Variants in C1GALT1 observed in about 807,000 individuals in gnomAD.
C1GALT1 encodes glycoprotein-N-acetylgalactosamine 3-beta-galactosyltransferase 1.
C1GALT1 carries 11 observed loss-of-function variants against 31.0 expected under a neutral mutation model. The ratio of observed to expected loss-of-function variants is 0.36; its 90% confidence interval spans 0.22 to 0.59. The LOEUF is 0.59. C1GALT1 is among the 20% of genes least tolerant of loss of function. The pLI, the probability that C1GALT1 is intolerant of heterozygous loss-of-function variation, is 0.79. For missense variants in C1GALT1, 424 were observed against 425.2 expected (o/e 1.00, Z 0.03); for synonymous variants, 175 against 143.6 (o/e 1.22, Z -1.56).
At chr7:7,224,983 A>G (rs1298429816) in intron 1 of C1GALT1, among the ~76,000 whole-genome samples, 1 of 152,046 alleles carries the variant, frequency 6.6e-6, no homozygotes, top group Non-Finnish European at 1.5e-5. Context: ...AGTCTTAGGT[A>G]GTTTCTGGTG....
In C1GALT1 at chr7:7,173,688, G is replaced by A. The variant is rs1400284903; in HGVS notation, c.-18+16262G>A. 4.6e-5 allele frequency among the ~76,000 whole-genome samples: 7 copies of A among 152,228 alleles called. No homozygotes were observed. The East Asian group carries it at 1.4e-3, about 29-fold the overall frequency. On this transcript the variant is annotated intron_variant, in intron 2 of 3. Transcript: ENST00000429911. ...GAGGCCAAGGCAGCAGATTACTTAA[G>A]CTCAGGAGTTGAAGACCAGTCTGCG...
intron 1 of C1GALT1, among the ~76,000 whole-genome samples, chr7:7,204,485 G>C (rs1244731196): frequency 6.6e-6 from 1 of 151,804 alleles, no homozygotes; most frequent in Non-Finnish European, 1.5e-5. Context: ...AGATTTATCA[G>C]TTTTGTTCCT....
upstream of C1GALT1, among the ~76,000 whole-genome samples, chr7:7,177,676 T>TA (rs1415831155): frequency 1.3e-5 from 2 of 152,244 alleles, no homozygotes; most frequent in Non-Finnish European, 2.9e-5. Flanking sequence ...TGAATGATGC[T>TA]ACTATTTTAT....
Position 7,182,762 on chromosome 7 carries a change from C to G in C1GALT1, c.-76C>G, listed in dbSNP as rs1006222084. ...CCAGAGAAGCAAAGGTCACCAGTCC[C>G]AAGTCGTCCCCCTCTCCGCCCCCCA... On this transcript the variant is annotated 5_prime_UTR_variant, in exon 1 of 4. Coordinates refer to ENST00000436587, the MANE Select transcript of C1GALT1 (RefSeq NM_020156.5). 10 of 983,846 alleles carry G rather than the reference C, an allele frequency of 1.0e-5. No homozygotes were observed. Among genetic ancestry groups the G allele is most frequent in the Non-Finnish European group, 1.2e-5 (10 of 828,554 alleles). The allele number at this position is 983,846 out of a possible 1,614,324, so 60.9% of individuals were successfully genotyped here.
At chr7:7,159,509 T>C (rs115354819) in intron 2 of C1GALT1, among the ~76,000 whole-genome samples, 3,286 of 151,902 alleles carry the variant, frequency 0.022, 115 homozygotes, top group African/African-American at 0.075. Context: ...AAGAAAGTGG[T>C]GTGTTGGACT....
At chr7:7,207,226 T>G (rs533678639) in intron 1 of C1GALT1, among the ~76,000 whole-genome samples, 3 of 152,102 alleles carry the variant, frequency 2.0e-5, no homozygotes, top group African/African-American at 7.2e-5. Flanking sequence ...AGATCTGCCT[T>G]TCAGTCTCTC....
rs117309561 is a variant in C1GALT1, at chr7:7,243,789, A to G, written c.*62A>G. ...CACTGCACTGAAAAAGGACTTCTGC[A>G]TTTCTGACATAGAACACTGGAATCC... On this transcript the variant is annotated 3_prime_UTR_variant, in exon 4 of 4. Coordinates refer to ENST00000436587, the MANE Select transcript of C1GALT1 (RefSeq NM_020156.5). The G allele has an allele frequency of 2.5e-6, 3 of 1,221,436 alleles. No individual in the cohort carries two copies. Among genetic ancestry groups the G allele is most frequent in the East Asian group, 2.4e-5 (1 of 42,192 alleles). The allele number at this position is 1,221,436 out of a possible 1,614,324, so 75.7% of individuals were successfully genotyped here.
intron 2 of C1GALT1, among the ~76,000 whole-genome samples, chr7:7,174,229 T>G (rs1276621184): frequency 1.3e-5 from 2 of 152,192 alleles, no homozygotes; most frequent in African/African-American, 4.8e-5. Flanking sequence ...ACAGCCACAC[T>G]AGGTGTTAGG....
intron 1 of C1GALT1, among the ~76,000 whole-genome samples, chr7:7,218,876 CA>C (rs1285984119): frequency 6.6e-6 from 1 of 151,622 alleles, no homozygotes; most frequent in Non-Finnish European, 1.5e-5. Flanking sequence ...CTCTGTCGCC[CA>C]GGCTGGAGTG....
chr7:7,234,622 A>G, intron 2 of C1GALT1, 83 bp downstream of exon 2: 1 of 959,498 alleles, frequency 1.0e-6, no homozygotes, highest in Non-Finnish European at 1.6e-6. Context: ...TCTGTTAATT[A>G]AAATGGGCTA....
At position 7,234,210 on chromosome 7, in the gene C1GALT1, C is replaced by G. The variant is rs141201666; in HGVS notation, c.-17-93C>G. The G allele has an allele frequency of 4.4e-5, 39 of 894,540 alleles. No homozygotes were observed. The East Asian group carries it at 9.2e-4, about 21-fold the overall frequency. The allele number at this position is 894,540 out of a possible 1,614,324, so 55.4% of individuals were successfully genotyped here. On this transcript the variant is annotated intron_variant, in intron 1 of 3. Coordinates refer to ENST00000436587, the MANE Select transcript of C1GALT1 (RefSeq NM_020156.5). Reference sequence around the variant, plus strand: ...ATAGCTAAATACTGTTAGAAATTAACTTTCCGTTATAGCTAAATGTTACCA... The same window carrying G: ...ATAGCTAAATACTGTTAGAAATTAAGTTTCCGTTATAGCTAAATGTTACCA...
At chr7:7,160,509 A>G (rs1312454229) in intron 2 of C1GALT1, among the ~76,000 whole-genome samples, 2 of 152,172 alleles carry the variant, frequency 1.3e-5, no homozygotes, top group African/African-American at 4.8e-5. Context: ...AAAGGAGGCT[A>G]CACTGCTCTT....
chr7:7,197,765 G>T (rs1781361977), intron 1 of C1GALT1, among the ~76,000 whole-genome samples: 1 of 152,118 alleles, frequency 6.6e-6, no homozygotes, highest in African/African-American at 2.4e-5. Context: ...CACATCCCTT[G>T]TAAGTTGGAT....
At chr7:7,200,329 G>C (rs9718646) in intron 1 of C1GALT1, among the ~76,000 whole-genome samples, 4,700 of 152,234 alleles carry the variant, frequency 0.031, 160 homozygotes, top group African/African-American at 0.084. Context: ...TGAAATTCTG[G>C]GTTAGAAATT....
rs1433117013 is a variant in C1GALT1 at position 7,238,414 on chromosome 7, A to T, written c.380A>T (p.Lys127Ile). 1 of 1,614,058 alleles carries T rather than the reference A, an allele frequency of 6.2e-7. No individual in the cohort carries two copies. Among genetic ancestry groups the T allele is most frequent in the Non-Finnish European group, 8.5e-7 (1 of 1,179,980 alleles). The change falls in exon 3 of 4, where the codon AAA (lysine) becomes ATA (isoleucine). Residue 127 changes from lysine to isoleucine, a missense_variant. By Grantham distance (102) the Lys-to-Ile change is moderately radical. Transcript: ENST00000436587. The surrounding 1 kb of genome is among the most constrained non-coding windows in gnomAD (Gnocchi z 5.2). Reference protein sequence around the residue: ...KVLFMSSEENKDFPAVGLKTK... With the variant: ...KVLFMSSEENIDFPAVGLKTK... ...TTGTTTATGAGTTCAGAAGAAAATA[A>T]AGACTTCCCTGCTGTGGGACTGAAA...
upstream of C1GALT1, chr7:7,178,049 A>G: frequency 4.4e-6 from 1 of 226,356 alleles, no homozygotes; most frequent in Non-Finnish European, 9.4e-6. Flanking sequence ...AGCTGTGTTT[A>G]AAAGTTTACA....
At chr7:7,218,836 A>ATTT (rs1281043126) in intron 1 of C1GALT1, among the ~76,000 whole-genome samples, 7 of 142,048 alleles carry the variant, frequency 4.9e-5, no homozygotes, top group African/African-American at 1.8e-4. Context: ...CCGTGTTTCT[A>ATTT]TTTTTTTTTT....
intron 3 of C1GALT1, 88 bp downstream of exon 3, chr7:7,239,010 A>C: frequency 3.8e-6 from 4 of 1,055,878 alleles, no homozygotes; most frequent in Non-Finnish European, 5.4e-6. Flanking sequence ...ATGTTTCTTT[A>C]GTACCAACAA....
chr7:7,234,351 C>A lies in C1GALT1; in HGVS notation c.32C>A (p.Thr11Asn), dbSNP rs1451632582. The A allele has an allele frequency of 6.2e-7, 1 of 1,613,830 alleles. No individual in the cohort carries two copies. The highest frequency in any genetic ancestry group is 8.5e-7 in the Non-Finnish European group (1 of 1,179,904). MASKSWLNFL[T>N]FLCGSAIGFL... ...TCTAAATCCTGGCTGAATTTTTTAA[C>A]CTTCCTCTGTGGATCAGCAATAGGA... is the stretch of plus-strand genomic sequence containing the variant. Residue 11 changes from threonine to asparagine, a missense_variant, in exon 2 of 4, where the codon ACC becomes AAC. By Grantham distance (65) the Thr-to-Asn change is moderately conservative (BLOSUM62 0). Transcript: ENST00000436587.
Sources: gnomAD v4.1 joint callset for allele counts (sites outside exome capture counted in the v4.1 genomes callset) on GRCh38, gnomAD v4.1.1 for gene constraint, Gnocchi (gnomAD v3.1) non-coding constraint, MANE v1.5 for transcripts, NCBI Gene and HGNC (gene_info 2026-07-23, HGNC 2026-07-21) for gene names.